The following NAV1 variants were observed in gnomAD, a reference collection of about 807,000 sequenced individuals.
NAV1 encodes the protein neuron navigator 1.
In NAV1, 18 loss-of-function variants were observed where a neutral mutation model predicts 175.2. The observed-to-expected ratio is 0.10, with a 90% CI of 0.07 to 0.15. The LOEUF is 0.15. NAV1 is among the 10% of genes least tolerant of loss of function. The pLI, the probability that NAV1 is intolerant of heterozygous loss-of-function variation, is 1.00. For synonymous variants in NAV1, 897 were observed against 978.7 expected (o/e 0.92, Z 1.56); for missense variants, 1,731 against 2,436.6 (o/e 0.71, Z 6.10).
At chr1:201,816,009 A>T (rs1442358164) in intron 28 of NAV1, among the ~76,000 whole-genome samples, 3 of 150,354 alleles carry the variant, frequency 2.0e-5, no homozygotes, top group Admixed American at 2.0e-4. Context: ...AAGTGCTGGG[A>T]TTATAGGTGT....
At chr1:201,642,541 CT>C (rs751245399) in intron 2 of NAV1, among the ~76,000 whole-genome samples, 1 of 105,170 alleles carries the variant, frequency 9.5e-6, no homozygotes. Context: ...TTCTTTCTTT[CT>C]TTCTTTCTTT....
chr1:201,694,461 C>T lies in NAV1; in HGVS notation c.758-18356C>T, dbSNP rs906746388. The stretch of plus-strand genomic sequence containing the variant: ...AGATGACCCTGGGGAGGGTGAGGGC[C>T]GGGGTCACCAGCTGCTGGGGCTTCT... On this transcript the variant is annotated intron_variant, in intron 1 of 29. Coordinates refer to ENST00000367296, the Ensembl canonical transcript of NAV1. This position sits in a 1 kb window ranked among gnomAD's most constrained non-coding sequence, Gnocchi z 4.2. 4.6e-5 allele frequency among the ~76,000 whole-genome samples: 7 copies of T among 152,080 alleles called. No homozygotes were observed. Among genetic ancestry groups the T allele is most frequent in the African/African-American group, 1.4e-4 (6 of 41,392 alleles).
chr1:201,687,934 C>T (rs895238304), intron 1 of NAV1, among the ~76,000 whole-genome samples: 4 of 152,214 alleles, frequency 2.6e-5, no homozygotes, highest in African/African-American at 4.8e-5. Context: ...ATCCCAAACA[C>T]GCCTGATTCT....
chr1:201,596,072 C>T (rs1667339267), intron 2 of NAV1, among the ~76,000 whole-genome samples: 2 of 152,238 alleles, frequency 1.3e-5, no homozygotes, highest in African/African-American at 4.8e-5. Context: ...AGCGCCTTAA[C>T]CTCACTGCAT....
exon 30 of NAV1, chr1:201,826,145 C>T (rs1373547619): frequency 6.6e-6 from 1 of 152,172 alleles, no homozygotes; most frequent in Non-Finnish European, 1.5e-5. Flanking sequence ...AGTAACAGGT[C>T]TCCTGCGCCC....
At chr1:201,690,965 A>C (rs1393098120) in intron 1 of NAV1, among the ~76,000 whole-genome samples, 2 of 152,200 alleles carry the variant, frequency 1.3e-5, no homozygotes, top group African/African-American at 4.8e-5. Context: ...ATAACTCCAG[A>C]TATTATAATA....
intron 2 of NAV1, among the ~76,000 whole-genome samples, chr1:201,612,571 T>C (rs1667881198): frequency 2.0e-5 from 3 of 152,210 alleles, no homozygotes; most frequent in African/African-American, 4.8e-5. Flanking sequence ...CTGTTCCCCA[T>C]AGATGGTGAC....
chr1:201,746,099 A>T (rs1673753050), intron 3 of NAV1, among the ~76,000 whole-genome samples: 1 of 152,162 alleles, frequency 6.6e-6, no homozygotes, highest in East Asian at 1.9e-4. Context: ...AACTGCTGGG[A>T]CTATGGGTGT....
At chr1:201,816,527 T>G (rs568594570) in intron 28 of NAV1, among the ~76,000 whole-genome samples, 1 of 152,192 alleles carries the variant, frequency 6.6e-6, no homozygotes, top group Non-Finnish European at 1.5e-5. Context: ...AAAATAAAAA[T>G]TAAATATTTT....
chr1:201,662,535 G>T (rs1669653956), intron 1 of NAV1, among the ~76,000 whole-genome samples: 1 of 152,186 alleles, frequency 6.6e-6, no homozygotes, highest in Admixed American at 6.5e-5. Context: ...TGAGGGTTCA[G>T]ATCAATTCCA....
intron 3 of NAV1, among the ~76,000 whole-genome samples, chr1:201,738,257 G>C (rs115491428): frequency 3.9e-5 from 6 of 152,006 alleles, no homozygotes; most frequent in African/African-American, 1.4e-4. Flanking sequence ...ATTGGCGCTA[G>C]GATCACTGCA....
rs533751321 is a variant in NAV1, at chr1:201,765,279, A to T, written c.1227-15142A>T. ...ACTGAGTGACTTAAAAGAAAAAGGC[A>T]ATGGTGGAAATCTATTATTTCAGCA... On this transcript the variant is annotated intron_variant, in intron 3 of 29. Coordinates refer to ENST00000367296, the Ensembl canonical transcript of NAV1. 3.8e-4 allele frequency among the ~76,000 whole-genome samples: 58 copies of T among 152,232 alleles called. No homozygotes were observed. In the Middle Eastern group the frequency reaches 0.031, roughly 80 times the overall value.
intron 1 of NAV1, among the ~76,000 whole-genome samples, chr1:201,583,257 G>T (rs769592428): frequency 6.6e-6 from 1 of 152,264 alleles, no homozygotes. Flanking sequence ...AGCCCTGATC[G>T]CTGTGCTTGT....
At chr1:201,794,016 C>A in intron 14 of NAV1, 141 bp downstream of exon 18, 1 of 734,376 alleles carries the variant, frequency 1.4e-6, no homozygotes, top group African/African-American at 1.7e-5. Context: ...TCTCAATCTG[C>A]CCCCCAATAC....
chr1:201,631,067 T>C (rs1003365804), intron 2 of NAV1, among the ~76,000 whole-genome samples: 1 of 152,170 alleles, frequency 6.6e-6, no homozygotes, highest in Non-Finnish European at 1.5e-5. Context: ...GTTGGGTACC[T>C]CTGGGGGGAC....
intron 1 of NAV1, among the ~76,000 whole-genome samples, chr1:201,672,058 A>G (rs751804770): frequency 6.6e-6 from 1 of 151,824 alleles, no homozygotes; most frequent in Non-Finnish European, 1.5e-5. Context: ...TTCCTTCTCT[A>G]CTTTCTCTCA....
At chr1:201,597,029 T>G (rs780417940) in intron 2 of NAV1, among the ~76,000 whole-genome samples, 1 of 152,162 alleles carries the variant, frequency 6.6e-6, no homozygotes, top group East Asian at 1.9e-4. Context: ...TTTCATCATG[T>G]TGGCCAGGCT....
At chr1:201,552,997 G>C (rs1367671207) in intron 1 of NAV1, among the ~76,000 whole-genome samples, 3 of 152,148 alleles carry the variant, frequency 2.0e-5, no homozygotes, top group African/African-American at 4.8e-5. Flanking sequence ...CAGGGGACGA[G>C]GGGGGCAGAG....
intron 3 of NAV1, among the ~76,000 whole-genome samples, chr1:201,756,330 C>T (rs574636688): frequency 6.6e-6 from 1 of 152,276 alleles, no homozygotes; most frequent in African/African-American, 2.4e-5. Flanking sequence ...GTCTGTAGCG[C>T]TATAATCATA....
Sources: allele counts gnomAD v4.1 joint callset (sites outside exome capture counted in the v4.1 genomes callset), GRCh38; gene constraint gnomAD v4.1.1; non-coding constraint Gnocchi (gnomAD v3.1); transcripts MANE v1.5; gene names NCBI Gene and HGNC (gene_info 2026-07-23, HGNC 2026-07-21).